Variants in NPAS3 observed in about 807,000 individuals in gnomAD.
NPAS3 encodes neuronal PAS domain-containing protein 3.
NPAS3 carries 14 observed loss-of-function variants against 73.1 expected under a neutral mutation model. That is an observed-to-expected ratio of 0.19 (90% CI 0.13 to 0.30). NPAS3 has a LOEUF of 0.30. Ranked by LOEUF, NPAS3 falls within the 10% of genes least tolerant of loss-of-function variation. The pLI is 1.00. For missense variants in NPAS3, 1,096 were observed against 1,250.0 expected (o/e 0.88, Z 1.86); for synonymous variants, 620 against 541.5 (o/e 1.14, Z -2.01).
intron 4 of NPAS3, among the ~76,000 whole-genome samples, chr14:33,417,735 C>T (rs2048206750): frequency 6.6e-6 from 1 of 151,666 alleles, no homozygotes; most frequent in Admixed American, 6.6e-5. Flanking sequence ...TATAAAGCAA[C>T]CTGGGCAATG....
intron 1 of NPAS3, among the ~76,000 whole-genome samples, chr14:32,971,942 T>A (rs2037445190): frequency 6.8e-6 from 1 of 147,018 alleles, no homozygotes; most frequent in Admixed American, 6.8e-5. Flanking sequence ...GACTCTTTTT[T>A]TTTTTTTTTT....
At chr14:33,045,496 T>A (rs535634550) in intron 1 of NPAS3, among the ~76,000 whole-genome samples, 1 of 152,250 alleles carries the variant, frequency 6.6e-6, no homozygotes, top group Non-Finnish European at 1.5e-5. Context: ...ACCAGAAGCC[T>A]CTTAATCAAG....
At chr14:32,950,056 AT>A (rs1398153583) in intron 1 of NPAS3, among the ~76,000 whole-genome samples, 3 of 152,084 alleles carry the variant, frequency 2.0e-5, no homozygotes, top group African/African-American at 4.8e-5. Context: ...GATTAAATAC[AT>A]TTAACTATTT....
intron 2 of NPAS3, among the ~76,000 whole-genome samples, chr14:33,056,210 T>C (rs2040883259): frequency 1.3e-5 from 2 of 152,196 alleles, no homozygotes; most frequent in Admixed American, 1.3e-4. Flanking sequence ...GTTTATTTTT[T>C]TGAAATTGTG....
exon 7 of NPAS3, chr14:33,735,236 G>A: frequency 6.2e-7 from 1 of 1,613,510 alleles, no homozygotes; most frequent in Non-Finnish European, 8.5e-7. Flanking sequence ...GCCCCAGTCT[G>A]CTAACCACTG....
upstream of NPAS3, among the ~76,000 whole-genome samples, chr14:32,938,503 G>GAGAGAGAGAGAGAGAGAA (rs2035793023): frequency 8.9e-6 from 1 of 112,978 alleles, no homozygotes; most frequent in Non-Finnish European, 1.9e-5. Context: ...GAGAGAGAGA[G>GAGAGAGAGAGAGAGAGAA]AGAGAGAGAG....
chr14:33,673,618 A>G (rs1173865945), intron 5 of NPAS3, among the ~76,000 whole-genome samples: 1 of 152,196 alleles, frequency 6.6e-6, no homozygotes, highest in African/African-American at 2.4e-5. Flanking sequence ...GTTTCACTAG[A>G]TTTTCAAAAT....
intron 5 of NPAS3, among the ~76,000 whole-genome samples, chr14:33,663,479 T>C (rs1459154529): frequency 6.6e-6 from 1 of 152,186 alleles, no homozygotes; most frequent in Non-Finnish European, 1.5e-5. Context: ...AGTATTTTAT[T>C]GAGGATTTTC....
intron 1 of NPAS3, among the ~76,000 whole-genome samples, chr14:33,040,931 C>T (rs1340507909): frequency 6.6e-6 from 1 of 152,162 alleles, no homozygotes; most frequent in Non-Finnish European, 1.5e-5. Flanking sequence ...AGACAGATGG[C>T]TTGTTACTGT....
chr14:32,957,830 C>T (rs372121357), intron 1 of NPAS3, among the ~76,000 whole-genome samples: 7 of 152,156 alleles, frequency 4.6e-5, no homozygotes, highest in African/African-American at 1.7e-4. Context: ...CTTCTTAATC[C>T]TGAATTTGGT....
At chr14:33,055,026 G>T (rs1385489506) in intron 1 of NPAS3, among the ~76,000 whole-genome samples, 1 of 152,000 alleles carries the variant, frequency 6.6e-6, no homozygotes, top group East Asian at 1.9e-4. Flanking sequence ...CTAATATGCT[G>T]GTATTAGAGC....
chr14:33,337,511 T>C (rs2044282647), intron 3 of NPAS3, among the ~76,000 whole-genome samples: 1 of 152,070 alleles, frequency 6.6e-6, no homozygotes, highest in African/African-American at 2.4e-5. Flanking sequence ...CATTTTAAAA[T>C]CAGGTAGTGT....
At chr14:33,472,395 G>A (rs889380023) in intron 4 of NPAS3, among the ~76,000 whole-genome samples, 1 of 152,178 alleles carries the variant, frequency 6.6e-6, no homozygotes, top group Non-Finnish European at 1.5e-5. Flanking sequence ...AACCATGTGG[G>A]ATGGGTTTGA....
downstream of NPAS3, chr14:33,801,824 C>T (rs1055929392): frequency 2.0e-5 from 3 of 151,916 alleles, no homozygotes; most frequent in Non-Finnish European, 4.4e-5. Flanking sequence ...TCTGTAATGT[C>T]TTCATACAAA....
chr14:33,233,335 A>G (rs746404391), intron 3 of NPAS3, among the ~76,000 whole-genome samples: 8 of 152,156 alleles, frequency 5.3e-5, no homozygotes, highest in Non-Finnish European at 1.2e-4. Context: ...CTAAGTGGAA[A>G]TTGAGGGAAA....
At position 33,800,344 on chromosome 14, in the gene NPAS3, C is replaced by G. The variant is rs762269416; in HGVS notation, c.2037C>G (p.Pro679=). 6.2e-7 allele frequency: 1 copy of G among 1,612,856 alleles called. No individual in the cohort carries two copies. The highest frequency in any genetic ancestry group is 1.3e-5 in the African/African-American group (1 of 74,840). The change falls in exon 12 of 12, where the codon CCC becomes CCG. Residue 679 remains proline, a synonymous_variant. Transcript: ENST00000356141. This position sits in a 1 kb window ranked among gnomAD's most constrained non-coding sequence, Gnocchi z 6.5. ...GGGAGATCTCCAGGAACGAGTCCCC[C>G]TACAGCATGACCAAGCCCCCCAGCT...
chr14:33,278,447 G>A, intron 3 of NPAS3, among the ~76,000 whole-genome samples: 1 of 150,248 alleles, frequency 6.7e-6, no homozygotes, highest in Admixed American at 6.7e-5. Flanking sequence ...ACTTTGGGAA[G>A]ATCCAGCCAA....
At chr14:33,278,724 A>G (rs1326787063) in intron 3 of NPAS3, among the ~76,000 whole-genome samples, 2 of 152,176 alleles carry the variant, frequency 1.3e-5, no homozygotes, top group Non-Finnish European at 2.9e-5. Flanking sequence ...CTGACAAAAA[A>G]AGGAAAGTAA....
At chr14:33,147,907 C>A (rs1035464521) in intron 2 of NPAS3, among the ~76,000 whole-genome samples, 3 of 151,664 alleles carry the variant, frequency 2.0e-5, no homozygotes, top group African/African-American at 7.3e-5. Flanking sequence ...TCAGTATTTT[C>A]ATATTGAAAG....
Sources: gnomAD v4.1 joint callset for allele counts (sites outside exome capture counted in the v4.1 genomes callset) on GRCh38, gnomAD v4.1.1 for gene constraint, Gnocchi (gnomAD v3.1) non-coding constraint, MANE v1.5 for transcripts, NCBI Gene and HGNC (gene_info 2026-07-23, HGNC 2026-07-21) for gene names.